RARB: variants seen among roughly 807,000 people sequenced by gnomAD.
The protein encoded by RARB is HBV-activated protein.
In RARB, 17 loss-of-function variants were observed where a neutral mutation model predicts 51.9. The ratio of observed to expected loss-of-function variants is 0.33; its 90% CI spans 0.22 to 0.49. RARB has a LOEUF of 0.49. Ranked by LOEUF, RARB falls within the 20% of genes least tolerant of loss-of-function variation. The pLI is 0.99. For missense variants in RARB, 369 were observed against 550.8 expected (o/e 0.67, Z 3.30); for synonymous variants, 215 against 195.4 (o/e 1.10, Z -0.84).
intron 5 of RARB, among the ~76,000 whole-genome samples, chr3:25,204,943 C>G (rs575654237): frequency 6.4e-4 from 98 of 152,340 alleles, no homozygotes; most frequent in African/African-American, 2.3e-3. Context: ...CCACTACTCT[C>G]TTCAAAGCTG....
intron 1 of RARB, among the ~76,000 whole-genome samples, chr3:24,854,336 A>G (rs1702605904): frequency 6.6e-6 from 1 of 152,206 alleles, no homozygotes; most frequent in Non-Finnish European, 1.5e-5. Flanking sequence ...TGGTGTCAGA[A>G]TCATCATGTG....
chr3:25,391,022 A>T (rs1431018765), intron 5 of RARB, among the ~76,000 whole-genome samples: 1 of 152,130 alleles, frequency 6.6e-6, no homozygotes, highest in Non-Finnish European at 1.5e-5. Context: ...ACTGTTCGCA[A>T]TGTGAAATCT....
chr3:25,386,634 A>G (rs531812402), intron 5 of RARB, among the ~76,000 whole-genome samples: 2 of 152,292 alleles, frequency 1.3e-5, no homozygotes, highest in East Asian at 1.9e-4. Flanking sequence ...TATTTGTTGA[A>G]TTAAAATGGG....
intron 3 of RARB, among the ~76,000 whole-genome samples, chr3:25,114,156 C>T (rs1357188659): frequency 6.6e-6 from 1 of 152,100 alleles, no homozygotes; most frequent in South Asian, 2.1e-4. Flanking sequence ...TATGTGTTTA[C>T]AATATTTGTG....
intron 2 of RARB, among the ~76,000 whole-genome samples, chr3:25,050,004 T>G (rs1453496769): frequency 6.6e-6 from 1 of 152,114 alleles, no homozygotes; most frequent in Non-Finnish European, 1.5e-5. Flanking sequence ...ATTAACAATT[T>G]TGGGAGGAAA....
chr3:25,416,294 C>T (rs1009817323), intron 5 of RARB, among the ~76,000 whole-genome samples: 125 of 152,234 alleles, frequency 8.2e-4, no homozygotes, highest in African/African-American at 2.8e-3. Context: ...GGGGTTGAGG[C>T]GGGAGGATCG....
intron 2 of RARB, among the ~76,000 whole-genome samples, chr3:24,927,574 A>G (rs1485801506): frequency 6.6e-6 from 1 of 152,022 alleles, no homozygotes; most frequent in Non-Finnish European, 1.5e-5. Flanking sequence ...GCTGAAGTGT[A>G]TGGCTACAGC....
chr3:25,311,269 C>T (rs553696755), intron 5 of RARB, among the ~76,000 whole-genome samples: 11 of 152,232 alleles, frequency 7.2e-5, no homozygotes, highest in Non-Finnish European at 1.6e-4. Context: ...GAATGGAGTC[C>T]CAGCTGGCAA....
chr3:25,422,229 TAA>T (rs1246858738), intron 5 of RARB, among the ~76,000 whole-genome samples: 1 of 152,214 alleles, frequency 6.6e-6, no homozygotes, highest in Non-Finnish European at 1.5e-5. Flanking sequence ...TTAATAATAT[TAA>T]CACGAAATAA....
At chr3:25,535,230 T>C (rs1337574800) in intron 3 of RARB, among the ~76,000 whole-genome samples, 1 of 152,102 alleles carries the variant, frequency 6.6e-6, no homozygotes, top group Non-Finnish European at 1.5e-5. Context: ...AATTAATGAA[T>C]GTTGATGAAT....
chr3:25,063,390 T>G (rs182736556), intron 3 of RARB, among the ~76,000 whole-genome samples: 1 of 152,184 alleles, frequency 6.6e-6, no homozygotes, highest in Non-Finnish European at 1.5e-5. Context: ...AAGCCATGCC[T>G]TCTAACTTGG....
chr3:25,052,979 C>T (rs919748654), intron 2 of RARB, among the ~76,000 whole-genome samples: 1 of 151,952 alleles, frequency 6.6e-6, no homozygotes, highest in Non-Finnish European at 1.5e-5. Context: ...GTTACCTGGA[C>T]CCAACTTTTA....
intron 5 of RARB, among the ~76,000 whole-genome samples, chr3:25,286,044 C>T (rs1295719214): frequency 6.6e-6 from 1 of 151,590 alleles, no homozygotes; most frequent in Non-Finnish European, 1.5e-5. Flanking sequence ...TATCTAGCCA[C>T]CCACCCCCAT....
intron 4 of RARB, among the ~76,000 whole-genome samples, chr3:25,169,731 T>C (rs1190441588): frequency 6.6e-6 from 1 of 152,138 alleles, no homozygotes; most frequent in Non-Finnish European, 1.5e-5. Flanking sequence ...CTCATGCCTG[T>C]AATCCCAGCA....
chr3:25,465,486 C>T (rs1695385331), intron 2 of RARB, among the ~76,000 whole-genome samples: 1 of 152,196 alleles, frequency 6.6e-6, no homozygotes, highest in African/African-American at 2.4e-5. Flanking sequence ...TGGCTTCTGC[C>T]TGTCATAACC....
chr3:25,462,409 T>G (rs1388391709), intron 2 of RARB: 4 of 152,242 alleles, frequency 2.6e-5, no homozygotes, highest in African/African-American at 7.2e-5. Context: ...CTTCCCTAGA[T>G]ATATAACTTC....
chr3:25,282,487 T>G (rs1703548927), intron 5 of RARB, among the ~76,000 whole-genome samples: 1 of 152,230 alleles, frequency 6.6e-6, no homozygotes, highest in African/African-American at 2.4e-5. Context: ...GCACTTTTTA[T>G]GATACAAAAT....
chr3:25,432,322 A>AAGG (rs1209471694), intron 1 of RARB, among the ~76,000 whole-genome samples: 1 of 152,210 alleles, frequency 6.6e-6, no homozygotes, highest in Non-Finnish European at 1.5e-5. Context: ...ATTGCCAGAA[A>AAGG]AGGATGGATT....
chr3:25,268,974 G>C (rs543315258), intron 5 of RARB, among the ~76,000 whole-genome samples: 3 of 152,212 alleles, frequency 2.0e-5, no homozygotes, highest in African/African-American at 7.2e-5. Context: ...TCTAGCACAT[G>C]ATATGCACTC....
Sources: allele counts gnomAD v4.1 joint callset (sites outside exome capture counted in the v4.1 genomes callset), GRCh38; gene constraint gnomAD v4.1.1; transcripts MANE v1.5; gene names NCBI Gene and HGNC (gene_info 2026-07-23, HGNC 2026-07-21).